Variants in CELSR1 observed in about 807,000 individuals in gnomAD.
CELSR1 encodes the protein adhesion G protein-coupled receptor C1.
CELSR1 carries 110 observed loss-of-function variants against 249.1 expected under a neutral mutation model. The observed-to-expected ratio is 0.44, with a 90% CI of 0.38 to 0.52. The LOEUF (loss-of-function observed/expected upper bound fraction) is 0.52. Among genes scored for constraint, CELSR1 ranks in the 20% least tolerant of loss-of-function variants. The pLI, the probability that CELSR1 is intolerant of heterozygous loss-of-function variation, is 0.00. For missense variants in CELSR1, 4,109 were observed against 4,296.4 expected (o/e 0.96, Z 1.22); for synonymous variants, 2,113 against 1,900.0 (o/e 1.11, Z -2.92).
chr22:46,362,729 A>G lies in CELSR1; in HGVS notation c.*494T>C, dbSNP rs1569098522. On this transcript the variant is annotated 3_prime_UTR_variant, in exon 35 of 35. Transcript: ENST00000674500. ...ATAAAAGTATCTCCACCTTTCCCAC[A>G]TAGCGAAGTGATTTTAAGACAAGGG... 1.1e-5 allele frequency: 2 copies of G among 177,030 alleles called. No individual in the cohort carries two copies. Among genetic ancestry groups the G allele is most frequent in the Non-Finnish European group, 2.4e-5 (2 of 82,790 alleles). 11.0% of individuals were successfully genotyped at this position (177,030 alleles called of 1,614,324 possible).
intron 22 of CELSR1, 62 bp from the exon 23 acceptor site, chr22:46,378,779 A>G: frequency 6.4e-7 from 1 of 1,565,332 alleles, no homozygotes; most frequent in Non-Finnish European, 8.7e-7. Context: ...GAGTCTGTAA[A>G]GGGCAGCCTT....
chr22:46,494,267 C>T (rs2080393725), intron 1 of CELSR1, among the ~76,000 whole-genome samples: 1 of 152,194 alleles, frequency 6.6e-6, no homozygotes, highest in Admixed American at 6.6e-5. Flanking sequence ...CAACCAAGTC[C>T]TCCCACCTCA....
At chr22:46,492,389 C>T (rs192617809) in intron 1 of CELSR1, among the ~76,000 whole-genome samples, 95 of 152,330 alleles carry the variant, frequency 6.2e-4, no homozygotes, top group African/African-American at 2.2e-3. Flanking sequence ...CTTTAATTCC[C>T]GGCGCAAAGT....
chr22:46,502,309 G>C (rs2080473572), intron 1 of CELSR1, among the ~76,000 whole-genome samples: 1 of 104,078 alleles, frequency 9.6e-6, no homozygotes, highest in Non-Finnish European at 1.9e-5. Flanking sequence ...GGGAGGGGAG[G>C]AAGAGGGGAG....
In CELSR1 at chr22:46,534,460, T is replaced by A. The variant is rs1369920179; in HGVS notation, c.2711A>T (p.Asp904Val). 6.2e-7 allele frequency: 1 copy of A among 1,612,986 alleles called. No individual in the cohort carries two copies. The highest frequency in any genetic ancestry group is 1.1e-5 in the South Asian group (1 of 91,074). The change falls in exon 1 of 35, where the codon GAT becomes GTT. Residue 904 changes from aspartate (D) to valine (V), a missense_variant. Physicochemically the swap from Asp to Val is radical, Grantham distance 152. Around this residue, in one of 7 missense-constraint regions of CELSR1, gnomAD observed 886 missense variants for 896.5 expected, o/e 0.99. Coordinates refer to ENST00000674500, the MANE Select transcript of CELSR1 (RefSeq NM_001378328.1). The surrounding 1 kb of genome is among the most constrained non-coding windows in gnomAD (Gnocchi z 9.7). ...GAGGATGCTGGTCGAGGGTGGAGCATCCTCAAAGATGGAACCCTGGTAGAA... is the reference window on the plus strand; with the variant it reads ...GAGGATGCTGGTCGAGGGTGGAGCAACCTCAAAGATGGAACCCTGGTAGAA... ...WDFYQGSIFE[D>V]APPSTSILQV...
intron 33 of CELSR1, 76 bp from the exon 34 acceptor site, chr22:46,364,327 G>C: frequency 6.4e-7 from 1 of 1,561,452 alleles, no homozygotes; most frequent in Non-Finnish European, 8.6e-7. Context: ...GTGCAGCTGA[G>C]CCAGCCTCAG....
Position 46,426,539 on chromosome 22 carries a change from G to A in CELSR1, c.4611+6854C>T, listed in dbSNP as rs556306908. ...TTATAAGGACATTCATTCCACTCGC[G>A]GGAGACCCTGATCACCTCCCAAAGG... On this transcript the variant is annotated intron_variant, in intron 5 of 34. Transcript: ENST00000674500. 4.6e-5 allele frequency among the ~76,000 whole-genome samples: 7 copies of A among 152,222 alleles called. No individual in the cohort carries two copies. The South Asian group carries it at 8.3e-4, about 18-fold the overall frequency.
At position 46,374,139 on chromosome 22, in the gene CELSR1, G is replaced by A. The variant is rs2078891890; in HGVS notation, c.7585-1082C>T. 6.6e-6 allele frequency among the ~76,000 whole-genome samples: 1 copy of A among 152,224 alleles called. No homozygotes were observed. Among genetic ancestry groups the A allele is most frequent in the Non-Finnish European group, 1.5e-5 (1 of 68,038 alleles). On this transcript the variant is annotated intron_variant, in intron 24 of 34. Transcript: ENST00000674500. The surrounding 1 kb of genome is among the most constrained non-coding windows in gnomAD (Gnocchi z 4.3). ...AGACAGGCCCTTTGCCTCAGACTGT[G>A]GCCTCGGTCAGGAAAGGAGGCGCGA... is the stretch of plus-strand genomic sequence containing the variant.
At position 46,523,951 on chromosome 22, in the gene CELSR1, C is replaced by T. The variant is rs953185894; in HGVS notation, c.3544+9676G>A. 3.9e-5 allele frequency among the ~76,000 whole-genome samples: 6 copies of T among 152,230 alleles called. No homozygotes were observed. The East Asian group carries it at 9.6e-4, about 24-fold the overall frequency. On this transcript the variant is annotated intron_variant, in intron 1 of 34. Coordinates refer to ENST00000674500, the MANE Select transcript of CELSR1 (RefSeq NM_001378328.1). ...CCTGCAGCACGGCTGCCACTGTCGC[C>T]CACCCCCACAATCAGGCACCATGTG... is the stretch of plus-strand genomic sequence containing the variant.
At chr22:46,521,152 C>A (rs751362182) in intron 1 of CELSR1, among the ~76,000 whole-genome samples, 42 of 152,312 alleles carry the variant, frequency 2.8e-4, no homozygotes, top group Non-Finnish European at 4.7e-4. Flanking sequence ...TTGCTTCCAC[C>A]TTTTGGTTAC....
At position 46,391,081 on chromosome 22, in the gene CELSR1, G is replaced by A. The variant is rs968596317; in HGVS notation, c.6250+105C>T. ...ATTTCTCCCCAGCACTTTGCCTGCG[G>A]ATATTTTTTCAACACGAAACATTCC... On this transcript the variant is annotated intron_variant, in intron 16 of 34. Transcript: ENST00000674500. The surrounding 1 kb of genome is among the most constrained non-coding windows in gnomAD (Gnocchi z 4.3). 2.2e-6 allele frequency: 2 copies of A among 919,228 alleles called. No homozygotes were observed. Among genetic ancestry groups the A allele is most frequent in the Non-Finnish European group, 1.7e-6 (1 of 602,708 alleles). 56.9% of individuals were successfully genotyped at this position (919,228 alleles called of 1,614,324 possible). A position where few individuals can be genotyped will look rare whatever the true frequency, so the allele number is the denominator to read the frequency against.
chr22:46,502,868 G>GT (rs1367618938), intron 1 of CELSR1, among the ~76,000 whole-genome samples: 1 of 152,172 alleles, frequency 6.6e-6, no homozygotes, highest in African/African-American at 2.4e-5. Context: ...AGCATGCTCC[G>GT]TAAGAGGTGG....
chr22:46,531,262 G>A (rs2080789477), intron 1 of CELSR1, among the ~76,000 whole-genome samples: 1 of 151,996 alleles, frequency 6.6e-6, no homozygotes, highest in Admixed American at 6.6e-5. Flanking sequence ...CTACAGTGCA[G>A]CAGTGGGATC....
rs771086090 is a variant in CELSR1 at position 46,384,581 on chromosome 22, G to C, written c.6845C>G (p.Ser2282Cys). 2.5e-6 allele frequency: 4 copies of C among 1,613,494 alleles called. No individual in the cohort carries two copies. In the East Asian group the frequency reaches 6.7e-5, roughly 27 times the overall value. Reference protein sequence around the residue: ...EFPRELESSVSFPADFFRPPE... With the variant: ...EFPRELESSVCFPADFFRPPE... Reference sequence around the variant, plus strand: ...TGGTCTGAAGAAGTCGGCTGGGAAGGAGACGGAGGACTCCAGCTCCCTGGG... The same window carrying C: ...TGGTCTGAAGAAGTCGGCTGGGAAGCAGACGGAGGACTCCAGCTCCCTGGG... Residue 2282 changes from serine to cysteine, a missense_variant, in exon 20 of 35, where the codon TCC (serine) becomes TGC (cysteine). Physicochemically the swap from Ser to Cys is moderately radical, Grantham distance 112. Coordinates refer to ENST00000674500, the MANE Select transcript of CELSR1 (RefSeq NM_001378328.1).
Position 46,453,111 on chromosome 22 carries a change from G to T in CELSR1, c.4183+10596C>A, listed in dbSNP as rs8136342. Among the ~76,000 whole-genome samples, 356 of 152,314 alleles carry T rather than the reference G, an allele frequency of 2.3e-3. 3 individuals carry two copies. The highest frequency in any genetic ancestry group is 8.3e-3 in the African/African-American group (344 of 41,590). On this transcript the variant is annotated intron_variant, in intron 2 of 34. Coordinates refer to ENST00000674500, the MANE Select transcript of CELSR1 (RefSeq NM_001378328.1). ...TGCCTCGGAGGGAGGCAGGTTGGGG[G>T]GCCTGGATGTGGGGCCAGGGTCTGG... is the stretch of plus-strand genomic sequence containing the variant.
Position 46,534,942 on chromosome 22 carries a change from G to A in CELSR1, c.2229C>T (p.Leu743=), listed in dbSNP as rs1176952002. ...FALSSQRGGG[L]ITLALPLDYK... is the part of the protein sequence containing the mutation. ...AGTCCAGAGGTAGCGCCAGGGTGAT[G>A]AGGCCGCCCCCTCTCTGGCTGCTGA... Residue 743 remains leucine (L), a synonymous_variant, in exon 1 of 35, where the codon CTC becomes CTT. Coordinates refer to ENST00000674500, the MANE Select transcript of CELSR1 (RefSeq NM_001378328.1). This position sits in a 1 kb window ranked among gnomAD's most constrained non-coding sequence, Gnocchi z 9.7. 2.4e-5 allele frequency: 39 copies of A among 1,612,328 alleles called. No homozygotes were observed. The Admixed American group carries it at 6.5e-4, about 27-fold the overall frequency.
intron 9 of CELSR1, among the ~76,000 whole-genome samples, chr22:46,405,781 G>C (rs191509824): frequency 2.0e-5 from 3 of 152,190 alleles, no homozygotes; most frequent in Admixed American, 2.0e-4. Context: ...GGGCACAGGA[G>C]ACATCCTTTG....
intron 29 of CELSR1, among the ~76,000 whole-genome samples, 179 bp downstream of exon 29, chr22:46,366,814 C>T (rs2078788498): frequency 6.6e-6 from 1 of 152,188 alleles, no homozygotes; most frequent in African/African-American, 2.4e-5. Flanking sequence ...CCCATCTGGC[C>T]GATTCTGTCA....
At chr22:46,496,160 C>T (rs1202472793) in intron 1 of CELSR1, among the ~76,000 whole-genome samples, 1 of 151,186 alleles carries the variant, frequency 6.6e-6, no homozygotes, top group African/African-American at 2.4e-5. Flanking sequence ...CACCACTGCA[C>T]TCTGCACTCC....
Sources: gnomAD v4.1 joint callset for allele counts (sites outside exome capture counted in the v4.1 genomes callset) on GRCh38, gnomAD v4.1.1 for gene constraint, gnomAD v4.1.1 regional missense constraint, Gnocchi (gnomAD v3.1) non-coding constraint, MANE v1.5 for transcripts, NCBI Gene and HGNC (gene_info 2026-07-23, HGNC 2026-07-21) for gene names.